Variants in RNF213 observed in about 807,000 individuals in gnomAD.
The protein encoded by RNF213 is E3 ubiquitin-protein ligase RNF213.
Under a neutral mutation model 514.4 loss-of-function variants are expected in RNF213, and 341 were observed. That is an observed-to-expected ratio of 0.66 (90% CI 0.61 to 0.73). The LOEUF is 0.73. Among genes scored for constraint, RNF213 ranks in the 30% least tolerant of loss-of-function variants. The pLI, the probability that RNF213 is intolerant of heterozygous loss-of-function variation, is 0.00. For missense variants in RNF213, 5,767 were observed against 6,615.6 expected (o/e 0.87, Z 4.45); for synonymous variants, 2,655 against 2,658.2 (o/e 1.00, Z 0.04).
At chr17:80,267,537 A>G (rs1352692370) in intron 2 of RNF213, among the ~76,000 whole-genome samples, 1 of 152,224 alleles carries the variant, frequency 6.6e-6, no homozygotes, top group Non-Finnish European at 1.5e-5. Context: ...ATGTCTGGAG[A>G]GGTCAAACCA....
chr17:80,392,525 C>T (rs2080515904), intron 67 of RNF213, among the ~76,000 whole-genome samples: 1 of 152,142 alleles, frequency 6.6e-6, no homozygotes, highest in African/African-American at 2.4e-5. Flanking sequence ...CAGTCAGGCA[C>T]CAGAGCCTTG....
chr17:80,357,884 C>T (rs1049490616), intron 36 of RNF213, among the ~76,000 whole-genome samples: 10 of 152,248 alleles, frequency 6.6e-5, no homozygotes, highest in East Asian at 3.9e-4. Context: ...TCTACTTGCA[C>T]GGCTGAGGTG....
chr17:80,268,946 T>C (rs1399369334), intron 2 of RNF213, among the ~76,000 whole-genome samples: 1 of 152,116 alleles, frequency 6.6e-6, no homozygotes, highest in Non-Finnish European at 1.5e-5. Flanking sequence ...AAGCCGACAG[T>C]GTAGCCTTCA....
At chr17:80,364,622 C>T (rs1405907100) in intron 42 of RNF213, 69 bp downstream of exon 42, 4 of 1,597,192 alleles carry the variant, frequency 2.5e-6, no homozygotes, top group Admixed American at 1.7e-5. Flanking sequence ...ACAGCACTGA[C>T]AGTGATCTGC....
intron 15 of RNF213, among the ~76,000 whole-genome samples, chr17:80,313,714 A>AGGT (rs1380146397): frequency 2.3e-5 from 1 of 42,958 alleles, no homozygotes; most frequent in Non-Finnish European, 4.9e-5. Flanking sequence ...GTGGTGATGG[A>AGGT]GGTGGTGGTG....
intron 11 of RNF213, 90 bp downstream of exon 11, chr17:80,298,608 C>T: frequency 7.5e-7 from 1 of 1,337,590 alleles, no homozygotes; most frequent in Non-Finnish European, 1.1e-6. Context: ...TCTGCAGTGA[C>T]TCCATTCCTG....
chr17:80,366,242 G>A (rs1215904581), intron 42 of RNF213, among the ~76,000 whole-genome samples: 2 of 152,166 alleles, frequency 1.3e-5, no homozygotes, highest in Admixed American at 6.5e-5. Flanking sequence ...CTGGCTTTTA[G>A]TTGTTTTGGA....
intron 25 of RNF213, among the ~76,000 whole-genome samples, chr17:80,338,648 TA>T (rs35242451): frequency 0.72 from 106,098 of 147,506 alleles, 38,564 homozygotes; most frequent in African/African-American, 0.82. Flanking sequence ...TTTTCCCAAT[TA>T]AAAAAAAAAG....
intron 13 of RNF213, among the ~76,000 whole-genome samples, chr17:80,308,074 C>T (rs1015267931): frequency 3.3e-5 from 5 of 152,042 alleles, no homozygotes; most frequent in Non-Finnish European, 5.9e-5. Flanking sequence ...ATCATTTGCT[C>T]CTGCAAATTT....
chr17:80,319,364 G>T (rs747285701), intron 17 of RNF213, 52 bp downstream of exon 17: 4 of 1,614,186 alleles, frequency 2.5e-6, no homozygotes, highest in Non-Finnish European at 3.4e-6. Flanking sequence ...GCTGTGTTCT[G>T]CCATGACCCA....
rs562666773 is a variant in RNF213, at chr17:80,317,077, G to T, written c.2812-111G>T. ...GGTTGGGGAGAGCCCTGGTGTTCGC[G>T]GAGTCCCGCGCTCTCTGTATTGCCG... On this transcript the variant is annotated intron_variant, in intron 15 of 67. Transcript: ENST00000582970. This position sits in a 1 kb window ranked among gnomAD's most constrained non-coding sequence, Gnocchi z 4.1. The T allele has an allele frequency of 3.4e-6, 4 of 1,166,692 alleles. No homozygotes were observed. Among genetic ancestry groups the T allele is most frequent in the Non-Finnish European group, 5.0e-6 (4 of 795,900 alleles). The allele number at this position is 1,166,692 out of a possible 1,614,324, so 72.3% of individuals were successfully genotyped here.
In RNF213 at chr17:80,353,857, G is replaced by GT. The variant is rs2078626908; in HGVS notation, c.10579-159dup. On this transcript the variant is annotated intron_variant, in intron 34 of 67. Coordinates refer to ENST00000582970, the MANE Select transcript of RNF213 (RefSeq NM_001256071.3). This position sits in a 1 kb window ranked among gnomAD's most constrained non-coding sequence, Gnocchi z 5.0. ...GGGGTCAAGGGCATCTGCACCGGCAGTTTGGGGGGTGCAGGGCGGAGGTCG... is the reference window on the plus strand; with the variant it reads ...GGGGTCAAGGGCATCTGCACCGGCAGTTTTGGGGGGTGCAGGGCGGAGGTCG... The GT allele has an allele frequency of 8.4e-7, 1 of 1,191,434 alleles. No individual in the cohort carries two copies. The highest frequency in any genetic ancestry group is 1.5e-5 in the African/African-American group (1 of 66,570). 73.8% of individuals were successfully genotyped at this position (1,191,434 alleles called of 1,614,324 possible).
Position 80,343,086 on chromosome 17 carries a change from G to A in RNF213, c.5990-46G>A, listed in dbSNP as rs961661855. On this transcript the variant is annotated intron_variant, in intron 26 of 67. Transcript: ENST00000582970. The surrounding 1 kb of genome is among the most constrained non-coding windows in gnomAD (Gnocchi z 4.3). ...GCCTCCCAAAGTGCTAGGATTACAG[G>A]TGTGAGCCACCACTCCCAGCCCTAA... is the stretch of plus-strand genomic sequence containing the variant. 3 of 1,514,102 alleles carry A rather than the reference G, an allele frequency of 2.0e-6. No individual in the cohort carries two copies. Among genetic ancestry groups the A allele is most frequent in the Middle Eastern group, 1.7e-4 (1 of 5,866 alleles). The allele number at this position is 1,514,102 out of a possible 1,614,324, so 93.8% of individuals were successfully genotyped here. A position where few individuals can be genotyped will look rare whatever the true frequency, so the allele number is the denominator to read the frequency against.
At chr17:80,275,847 A>G (rs1307166311) in intron 3 of RNF213, among the ~76,000 whole-genome samples, 3 of 151,660 alleles carry the variant, frequency 2.0e-5, no homozygotes, top group Admixed American at 2.0e-4. Context: ...TATTTTTGGT[A>G]GAGACGGGGT....
chr17:80,340,609 G>GTTTTTT (rs747785477), intron 26 of RNF213: 49 of 130,120 alleles, frequency 3.8e-4, no homozygotes, highest in Admixed American at 6.6e-4. Context: ...GTACTTTGTG[G>GTTTTTT]TTTTTTTTTT....
intron 60 of RNF213, 118 bp downstream of exon 60, chr17:80,385,289 C>A: frequency 7.8e-7 from 1 of 1,285,614 alleles, no homozygotes; most frequent in Non-Finnish European, 1.1e-6. Context: ...GCTCTATAGC[C>A]TAAGCCCTTA....
intron 3 of RNF213, among the ~76,000 whole-genome samples, chr17:80,278,362 C>G (rs1235171262): frequency 6.6e-6 from 1 of 152,224 alleles, no homozygotes; most frequent in Non-Finnish European, 1.5e-5. Flanking sequence ...CCCGGGCCTG[C>G]CTATACCTTC....
intron 15 of RNF213, among the ~76,000 whole-genome samples, chr17:80,316,820 G>A (rs1037286418): frequency 1.3e-5 from 2 of 152,270 alleles, no homozygotes; most frequent in Admixed American, 1.3e-4. Flanking sequence ...TGTGTGAAGC[G>A]TGAATCGCAC....
rs184448645 is a variant in RNF213 at position 80,366,471 on chromosome 17, T to C, written c.11872-1277T>C. Among the ~76,000 whole-genome samples the C allele has an allele frequency of 9.5e-4, 145 of 152,350 alleles. 1 individual carries two copies. The highest frequency in any genetic ancestry group is 3.3e-3 in the African/African-American group (136 of 41,580). On this transcript the variant is annotated intron_variant, in intron 42 of 67. Transcript: ENST00000582970. Reference sequence around the variant, plus strand: ...TAATTCATTGTGGTTTTTATTTGCATTTCTCTAATGACTAGTTATGATGAG... The same window carrying C: ...TAATTCATTGTGGTTTTTATTTGCACTTCTCTAATGACTAGTTATGATGAG...
Sources: gnomAD v4.1 joint callset for allele counts (sites outside exome capture counted in the v4.1 genomes callset) on GRCh38, gnomAD v4.1.1 for gene constraint, Gnocchi (gnomAD v3.1) non-coding constraint, MANE v1.5 for transcripts, NCBI Gene and HGNC (gene_info 2026-07-23, HGNC 2026-07-21) for gene names.